NUP98: variants seen among roughly 807,000 people sequenced by gnomAD.
NUP98 encodes nuclear pore complex protein Nup98-Nup96.
NUP98 carries 26 observed loss-of-function variants against 191.9 expected under a neutral mutation model. That is an observed-to-expected ratio of 0.14 (90% confidence interval 0.10 to 0.19). The LOEUF is 0.19. NUP98 is among the 10% of genes least tolerant of loss of function. The pLI, the probability that NUP98 is intolerant of heterozygous loss-of-function variation, is 1.00. For synonymous variants in NUP98, 808 were observed against 778.4 expected (o/e 1.04, Z -0.63); for missense variants, 1,941 against 2,178.8 (o/e 0.89, Z 2.17).
At chr11:3,759,964 C>T (rs553641965) in intron 10 of NUP98, among the ~76,000 whole-genome samples, 1 of 152,128 alleles carries the variant, frequency 6.6e-6, no homozygotes, top group Non-Finnish European at 1.5e-5. Flanking sequence ...CTGACTCAGC[C>T]TCCATAATGG....
At position 3,753,346 on chromosome 11, in the gene NUP98, C is replaced by T; in HGVS notation, c.1237G>A (p.Gly413Arg). 1 of 1,614,060 alleles carries T rather than the reference C, an allele frequency of 6.2e-7. No individual in the cohort carries two copies. The highest frequency in any genetic ancestry group is 8.5e-7 in the Non-Finnish European group (1 of 1,179,974). Reference sequence around the variant, plus strand: ...CCAAATCCTGCACCAAGCCCAGTTCCAAGAGTCCCAGGTGCTGGTTTACTT... The same window carrying T: ...CCAAATCCTGCACCAAGCCCAGTTCTAAGAGTCCCAGGTGCTGGTTTACTT... Reference protein sequence around the residue: ...FGSKPAPGTLGTGLGAGFGTA... With the variant: ...FGSKPAPGTLRTGLGAGFGTA... Residue 413 changes from glycine (G) to arginine (R), a missense_variant, in exon 11 of 33, where the codon GGA (glycine) becomes AGA (arginine). By Grantham distance (125) the Gly-to-Arg change is moderately radical. Around this residue, in one of 6 missense-constraint regions of NUP98, gnomAD observed 453 missense variants for 438.2 expected, o/e 1.03. Transcript: ENST00000324932.
intron 14 of NUP98, among the ~76,000 whole-genome samples, chr11:3,727,405 C>T (rs1050653746): frequency 3.3e-5 from 5 of 152,114 alleles, no homozygotes; most frequent in African/African-American, 9.7e-5. Context: ...CAAAGTTAAT[C>T]CTACAAGCAA....
At chr11:3,791,045 G>A (rs907417551) in intron 1 of NUP98, among the ~76,000 whole-genome samples, 14 of 151,880 alleles carry the variant, frequency 9.2e-5, no homozygotes, top group African/African-American at 2.9e-4. Context: ...ACAGGCGCCC[G>A]CCACCACGCC....
chr11:3,747,698 T>G (rs1477063398), intron 11 of NUP98, among the ~76,000 whole-genome samples: 2 of 152,180 alleles, frequency 1.3e-5, no homozygotes, highest in Non-Finnish European at 2.9e-5. Flanking sequence ...ACGCCCACAT[T>G]ACAGGAGGCT....
chr11:3,757,175 A>G (rs908430962), intron 10 of NUP98, among the ~76,000 whole-genome samples: 2 of 150,690 alleles, frequency 1.3e-5, no homozygotes, highest in African/African-American at 4.9e-5. Context: ...AGCCTATACA[A>G]ACACCCTTAT....
rs527655337 is a variant in NUP98 at position 3,740,237 on chromosome 11, G to A, written c.1408+4272C>T. 1.4e-4 allele frequency among the ~76,000 whole-genome samples: 22 copies of A among 152,242 alleles called. No homozygotes were observed. The South Asian group carries it at 3.1e-3, about 22-fold the overall frequency. On this transcript the variant is annotated intron_variant, in intron 12 of 32. Transcript: ENST00000324932. The stretch of plus-strand genomic sequence containing the variant: ...AATTAATGGAAAGTCTAAGCCAGGC[G>A]CGGTGGCTCACACCTGTAACCCCAG...
chr11:3,731,381 A>G lies in NUP98; in HGVS notation c.1730+10T>C. On this transcript the variant is annotated intron_variant, in intron 14 of 32. Transcript: ENST00000324932. ...TTACACTTAATTTCTGTTAACAAAA[A>G]TAAACTCACTTGGGCATGAATGCTC... 1 of 1,508,704 alleles carries G rather than the reference A, an allele frequency of 6.6e-7. No homozygotes were observed. Among genetic ancestry groups the G allele is most frequent in the Non-Finnish European group, 8.9e-7 (1 of 1,125,134 alleles). The allele number at this position is 1,508,704 out of a possible 1,614,324, so 93.5% of individuals were successfully genotyped here. A position where few individuals can be genotyped will look rare whatever the true frequency, so the allele number is the denominator to read the frequency against.
At chr11:3,739,302 C>G (rs2943415) in intron 12 of NUP98, among the ~76,000 whole-genome samples, 1 of 151,960 alleles carries the variant, frequency 6.6e-6, no homozygotes, top group Non-Finnish European at 1.5e-5. Context: ...CAGGCTGGAG[C>G]GCAGTAGCGC....
chr11:3,685,944 C>T, intron 29 of NUP98, 29 bp downstream of exon 29: 1 of 1,570,276 alleles, frequency 6.4e-7, no homozygotes, highest in Non-Finnish European at 8.8e-7. Flanking sequence ...GCTAGATGTA[C>T]CCAGTGGGTT....
chr11:3,748,746 A>T (rs1388663496), intron 11 of NUP98, among the ~76,000 whole-genome samples: 1 of 152,188 alleles, frequency 6.6e-6, no homozygotes, highest in East Asian at 1.9e-4. Flanking sequence ...ATTTGCCCGT[A>T]CCAAAGCTAT....
intron 10 of NUP98, among the ~76,000 whole-genome samples, chr11:3,757,615 A>G (rs72852301): frequency 0.19 from 28,802 of 151,698 alleles, 2,809 homozygotes; most frequent in Non-Finnish European, 0.22. Context: ...ACTGGCCAAC[A>G]TGGTAAAACC....
chr11:3,735,876 AAAT>A (rs1434024002), intron 12 of NUP98, among the ~76,000 whole-genome samples: 13 of 149,478 alleles, frequency 8.7e-5, no homozygotes, highest in Admixed American at 2.0e-4. Flanking sequence ...TGTCCAAAGG[AAAT>A]AATATGACAA....
At chr11:3,721,248 C>T (rs2079389813) in intron 16 of NUP98, among the ~76,000 whole-genome samples, 1 of 152,100 alleles carries the variant, frequency 6.6e-6, no homozygotes, top group South Asian at 2.1e-4. Context: ...GATACCAAAA[C>T]CTACAGTGGA....
At chr11:3,717,143 C>T (rs534859876) in intron 18 of NUP98, among the ~76,000 whole-genome samples, 2 of 152,186 alleles carry the variant, frequency 1.3e-5, no homozygotes, top group South Asian at 2.1e-4. Flanking sequence ...TACAGGTATG[C>T]GCCACCACGT....
At chr11:3,794,574 G>A (rs55670215) in intron 1 of NUP98, among the ~76,000 whole-genome samples, 1 of 151,728 alleles carries the variant, frequency 6.6e-6, no homozygotes, top group Non-Finnish European at 1.5e-5. Flanking sequence ...CAATCCACCC[G>A]CCTCGGCCTC....
At chr11:3,678,119 C>A (rs1378172863) in intron 31 of NUP98, among the ~76,000 whole-genome samples, 16 of 131,420 alleles carry the variant, frequency 1.2e-4, no homozygotes, top group African/African-American at 4.2e-4. Context: ...GCCTGGGTGA[C>A]AGAGTAAAAC....
At position 3,675,566 on chromosome 11, in the gene NUP98, T is replaced by G. The variant is rs745902658; in HGVS notation, c.*593A>C. 1 of 234,886 alleles carries G rather than the reference T, an allele frequency of 4.3e-6. No homozygotes were observed. The highest frequency in any genetic ancestry group is 5.2e-5 in the Admixed American group (1 of 19,274). The allele number at this position is 234,886 out of a possible 1,614,324, so 14.6% of individuals were successfully genotyped here. ...GCAGGAACAAAAACAGCCCTGAAGA[T>G]CAATCCCTCCGTGACAGGCATTCAC... On this transcript the variant is annotated 3_prime_UTR_variant, in exon 33 of 33. Coordinates refer to ENST00000324932, the MANE Select transcript of NUP98 (RefSeq NM_016320.5).
intron 14 of NUP98, among the ~76,000 whole-genome samples, chr11:3,728,694 G>A (rs1165770660): frequency 1.3e-5 from 2 of 151,982 alleles, no homozygotes; most frequent in African/African-American, 4.8e-5. Flanking sequence ...AGCCGAGATG[G>A]GGCCACTGCA....
At chr11:3,688,008 T>G (rs556276481) in intron 28 of NUP98, among the ~76,000 whole-genome samples, 13 of 152,344 alleles carry the variant, frequency 8.5e-5, no homozygotes, top group Non-Finnish European at 1.8e-4. Context: ...ACAATGAGAA[T>G]TTCCAGTATG....
Sources: gnomAD v4.1 joint callset for allele counts (sites outside exome capture counted in the v4.1 genomes callset) on GRCh38, gnomAD v4.1.1 for gene constraint, gnomAD v4.1.1 regional missense constraint, MANE v1.5 for transcripts, NCBI Gene and HGNC (gene_info 2026-07-23, HGNC 2026-07-21) for gene names.